ATP7B: variants seen among roughly 807,000 people sequenced by gnomAD.
The protein encoded by ATP7B is ATPase copper transporting beta.
A neutral mutation model predicts 118.9 loss-of-function variants in ATP7B; 113 were observed. The ratio of observed to expected loss-of-function variants is 0.95; its 90% CI spans 0.82 to 1.11. The LOEUF (loss-of-function observed/expected upper bound fraction) is 1.11, where lower values mean the gene tolerates loss of function less well. ATP7B is among the 50% of genes most tolerant of loss of function. The probability of loss-of-function intolerance (pLI) is 0.00; values close to 1 mark genes in which losing one functional copy is unlikely to be tolerated. For synonymous variants in ATP7B, 777 were observed against 727.4 expected (o/e 1.07, Z -1.10); for missense variants, 1,867 against 1,871.4 (o/e 1.00, Z 0.04).
intron 1 of ATP7B, among the ~76,000 whole-genome samples, chr13:51,993,539 G>A (rs930899713): frequency 2.0e-5 from 3 of 151,974 alleles, no homozygotes; most frequent in Non-Finnish European, 2.9e-5. Context: ...CTCCAGCCTC[G>A]GCATCAGCAA....
chr13:51,976,147 C>A (rs1952107839), intron 1 of ATP7B, among the ~76,000 whole-genome samples: 2 of 152,336 alleles, frequency 1.3e-5, no homozygotes, highest in South Asian at 4.1e-4. Flanking sequence ...ATACTTTTTA[C>A]ACCAGAACTT....
At chr13:51,977,840 T>C (rs1952203634) in intron 1 of ATP7B, among the ~76,000 whole-genome samples, 1 of 152,192 alleles carries the variant, frequency 6.6e-6, no homozygotes. Context: ...TTCATTGTAA[T>C]ATCATGGGAC....
intron 1 of ATP7B, among the ~76,000 whole-genome samples, chr13:51,996,746 G>T (rs1242948305): frequency 1.3e-5 from 2 of 152,182 alleles, no homozygotes; most frequent in Non-Finnish European, 2.9e-5. Context: ...CAACACCAAG[G>T]CTGGTCCATG....
intron 8 of ATP7B, 175 bp from the exon 9 acceptor site, chr13:51,957,782 G>A: frequency 1.5e-6 from 1 of 656,100 alleles, no homozygotes; most frequent in African/African-American, 1.8e-5. Flanking sequence ...ATGGCCACAT[G>A]TCACTTCCAC....
At chr13:51,964,399 G>A (rs908491786) in intron 5 of ATP7B, among the ~76,000 whole-genome samples, 3 of 152,176 alleles carry the variant, frequency 2.0e-5, no homozygotes, top group African/African-American at 4.8e-5. Flanking sequence ...GGCAGGGCAC[G>A]CATGAAAATT....
At chr13:52,008,727 C>T (rs1352908585) in intron 1 of ATP7B, among the ~76,000 whole-genome samples, 1 of 152,194 alleles carries the variant, frequency 6.6e-6, no homozygotes, top group Non-Finnish European at 1.5e-5. Flanking sequence ...GGTTTCTCAA[C>T]CTAGGCTACT....
At chr13:51,945,766 C>A (rs1479548378) in intron 13 of ATP7B, among the ~76,000 whole-genome samples, 1 of 152,200 alleles carries the variant, frequency 6.6e-6, no homozygotes, top group Non-Finnish European at 1.5e-5. Flanking sequence ...GCAGTGAGTG[C>A]CCAGCAAATA....
chr13:51,967,939 G>A (rs967368239), intron 4 of ATP7B, among the ~76,000 whole-genome samples: 4 of 152,184 alleles, frequency 2.6e-5, no homozygotes, highest in Non-Finnish European at 5.9e-5. Flanking sequence ...TCACTACCTG[G>A]AGCATTCCCC....
chr13:51,972,484 C>T (rs1380303528), intron 2 of ATP7B, among the ~76,000 whole-genome samples: 1 of 152,182 alleles, frequency 6.6e-6, no homozygotes, highest in Non-Finnish European at 1.5e-5. Flanking sequence ...AGCATCTCAG[C>T]TAAAGGCTCA....
intron 1 of ATP7B, among the ~76,000 whole-genome samples, chr13:51,976,878 G>A (rs1389111514): frequency 6.6e-6 from 1 of 152,214 alleles, no homozygotes; most frequent in Non-Finnish European, 1.5e-5. Context: ...ACTGGAAGTT[G>A]CTCTGGGTGA....
chr13:51,959,403 G>A (rs1958582142), intron 7 of ATP7B: 1 of 152,400 alleles, frequency 6.6e-6, no homozygotes, highest in African/African-American at 2.4e-5. Flanking sequence ...TAGCTACTCA[G>A]GAGGCTGAGG....
At chr13:51,973,810 G>A (rs1951957655) in intron 2 of ATP7B, 125 bp downstream of exon 2, 2 of 1,393,564 alleles carry the variant, frequency 1.4e-6, no homozygotes, top group Admixed American at 1.8e-5. Flanking sequence ...AAAGTTTGCA[G>A]GATTTTGTTC....
At chr13:51,984,615 A>C (rs1334177321) in intron 1 of ATP7B, among the ~76,000 whole-genome samples, 1 of 152,216 alleles carries the variant, frequency 6.6e-6, no homozygotes, top group Non-Finnish European at 1.5e-5. Flanking sequence ...CATAATCGTC[A>C]GATTCACCAA....
Position 51,950,318 on chromosome 13 carries a change from C to T in ATP7B, c.2529G>A (p.Gly843=), listed in dbSNP as rs749500236. Residue 843 remains glycine, a synonymous_variant, in exon 10 of 21, where the codon GGG becomes GGA. Coordinates refer to ENST00000242839, the MANE Select transcript of ATP7B (RefSeq NM_000053.4). ...CCATGGTATTGCCTTCCAGGACTTT[C>T]CCATCCACTGGAAACTTTCCCCCAG... ...VVPGGKFPVD[G]KVLEGNTMAD... 6.2e-7 allele frequency: 1 copy of T among 1,614,162 alleles called. No individual in the cohort carries two copies. Among genetic ancestry groups the T allele is most frequent in the Non-Finnish European group, 8.5e-7 (1 of 1,180,036 alleles).
chr13:51,974,215 C>G lies in ATP7B; in HGVS notation c.1005G>C (p.Gly335=), dbSNP rs1448368299. 9 of 1,613,832 alleles carry G rather than the reference C, an allele frequency of 5.6e-6. No individual in the cohort carries two copies. Among genetic ancestry groups the G allele is most frequent in the Non-Finnish European group, 7.6e-6 (9 of 1,179,978 alleles). The change falls in exon 2 of 21, where the codon GGG becomes GGC. Residue 335 remains glycine (G), a synonymous_variant. Coordinates refer to ENST00000242839, the MANE Select transcript of ATP7B (RefSeq NM_000053.4). ...VSLPDGAEGS[G]TDHRSSSSHS... ...GAGAACTGGAAGACCTGTGATCTGTCCCACTCCCTTCGGCTCCATCAGGAA... is the reference window on the plus strand; with the variant it reads ...GAGAACTGGAAGACCTGTGATCTGTGCCACTCCCTTCGGCTCCATCAGGAA...
At chr13:51,985,826 A>G (rs1952627027) in intron 1 of ATP7B, among the ~76,000 whole-genome samples, 1 of 152,222 alleles carries the variant, frequency 6.6e-6, no homozygotes, top group African/African-American at 2.4e-5. Context: ...TACTGGGTAA[A>G]TAATGAAATT....
chr13:51,972,353 CCTCT>C (rs1402611688), intron 2 of ATP7B, among the ~76,000 whole-genome samples: 1 of 152,150 alleles, frequency 6.6e-6, no homozygotes, highest in Non-Finnish European at 1.5e-5. Flanking sequence ...CCTCCTCCTC[CCTCT>C]AATTCTTTCC....
intron 1 of ATP7B, among the ~76,000 whole-genome samples, chr13:51,983,355 G>GC (rs1310920631): frequency 6.6e-6 from 1 of 152,186 alleles, no homozygotes; most frequent in African/African-American, 2.4e-5. Flanking sequence ...TAGCTAGACT[G>GC]CCTCTCTAGA....
intron 8 of ATP7B, 50 bp from the exon 9 acceptor site, chr13:51,957,657 C>T (rs1489386960): frequency 6.5e-7 from 1 of 1,549,862 alleles, no homozygotes; most frequent in East Asian, 2.2e-5. Flanking sequence ...GCAGACCTGT[C>T]CAAACCCAGC....
Sources: allele counts gnomAD v4.1 joint callset (sites outside exome capture counted in the v4.1 genomes callset), GRCh38; gene constraint gnomAD v4.1.1; transcripts MANE v1.5; gene names NCBI Gene and HGNC (gene_info 2026-07-23, HGNC 2026-07-21).